Variants in CSMD1 observed in about 807,000 individuals in gnomAD.
CSMD1 encodes the protein CUB and sushi domain-containing protein 1.
A neutral mutation model predicts 417.5 loss-of-function variants in CSMD1; 213 were observed. The ratio of observed to expected loss-of-function variants is 0.51; its 90% CI spans 0.46 to 0.57. CSMD1 has a LOEUF of 0.57. Ranked by LOEUF, CSMD1 falls within the 20% of genes least tolerant of loss-of-function variation. The pLI, the probability that CSMD1 is intolerant of heterozygous loss-of-function variation, is 0.00. For synonymous variants in CSMD1, 2,862 were observed against 1,736.8 expected, an observed-to-expected ratio of 1.65 and a Z score of -16.11; for missense variants, 6,923 against 4,529.7, an observed-to-expected ratio of 1.53 and a Z score of -15.17.
intron 25 of CSMD1, among the ~76,000 whole-genome samples, chr8:3,286,238 T>C (rs1289843599): frequency 6.6e-6 from 1 of 152,236 alleles, no homozygotes; most frequent in East Asian, 1.9e-4. Flanking sequence ...GTTGGACATT[T>C]GGGTTGGTTC....
intron 12 of CSMD1, among the ~76,000 whole-genome samples, chr8:3,415,566 C>T (rs1295669051): frequency 1.3e-5 from 2 of 152,190 alleles, no homozygotes; most frequent in Non-Finnish European, 2.9e-5. Context: ...ACCATGTTGG[C>T]CACGCTGGTC....
intron 2 of CSMD1, among the ~76,000 whole-genome samples, chr8:4,507,993 G>T (rs1382196031): frequency 6.6e-6 from 1 of 150,378 alleles, no homozygotes; most frequent in Non-Finnish European, 1.5e-5. Context: ...TACGAACACA[G>T]ACAAAACTGA....
chr8:4,888,443 A>G (rs1803892902), intron 1 of CSMD1, among the ~76,000 whole-genome samples: 1 of 151,926 alleles, frequency 6.6e-6, no homozygotes, highest in Admixed American at 6.6e-5. Flanking sequence ...TATGATATAC[A>G]TATATATTGT....
At chr8:3,275,901 G>C (rs1226669628) in intron 26 of CSMD1, among the ~76,000 whole-genome samples, 1 of 152,098 alleles carries the variant, frequency 6.6e-6, no homozygotes, top group Non-Finnish European at 1.5e-5. Flanking sequence ...AGAGTAATTT[G>C]ATTGTCTGAA....
chr8:3,338,570 A>C (rs144473012), intron 23 of CSMD1, among the ~76,000 whole-genome samples: 1 of 152,260 alleles, frequency 6.6e-6, no homozygotes, highest in Non-Finnish European at 1.5e-5. Flanking sequence ...CCTGTCTTTA[A>C]ATTAAACACT....
chr8:3,142,657 G>C lies in CSMD1; in HGVS notation c.6049C>G (p.Leu2017Val), dbSNP rs780716801. ...PIGYGAHIQF[L>V]NFSTEANHDF... is the part of the protein sequence containing the mutation. ...TGATTAGCTTCGGTAGAAAAATTCA[G>C]AAACTGAATATGTGCACCTATGGAA... The change falls in exon 41 of 70, where the codon CTG (leucine) becomes GTG (valine). Residue 2017 changes from leucine to valine, a missense_variant. Physicochemically the swap from Leu to Val is conservative, Grantham distance 32. Coordinates refer to ENST00000635120, the MANE Select transcript of CSMD1 (RefSeq NM_033225.6). The C allele has an allele frequency of 1.9e-6, 3 of 1,613,234 alleles. No individual in the cohort carries two copies. Among genetic ancestry groups the C allele is most frequent in the African/African-American group, 1.3e-5 (1 of 74,916 alleles).
chr8:3,326,892 A>G (rs1806566564), intron 23 of CSMD1, among the ~76,000 whole-genome samples: 1 of 152,192 alleles, frequency 6.6e-6, no homozygotes, highest in Admixed American at 6.5e-5. Context: ...GTCTTGATAC[A>G]TTGATAGGAA....
chr8:4,652,688 G>T (rs138459058), intron 1 of CSMD1, among the ~76,000 whole-genome samples: 1 of 152,070 alleles, frequency 6.6e-6, no homozygotes, highest in African/African-American at 2.4e-5. Flanking sequence ...CACAGCTTCA[G>T]CCATCAGGGC....
chr8:3,394,004 A>AAAT (rs1563342160), intron 17 of CSMD1, among the ~76,000 whole-genome samples: 64 of 32,046 alleles, frequency 2.0e-3, no homozygotes, highest in East Asian at 9.9e-3. Flanking sequence ...TAATAATAAA[A>AAAT]AAATAAATTA....
intron 2 of CSMD1, among the ~76,000 whole-genome samples, chr8:4,567,941 C>T (rs746384988): frequency 6.6e-5 from 10 of 152,058 alleles, no homozygotes; most frequent in African/African-American, 9.7e-5. Flanking sequence ...TTTCTGTCCA[C>T]GTAACAGAGA....
chr8:3,796,314 G>GATAT lies in CSMD1; in HGVS notation c.819-42276_819-42273dup, dbSNP rs1446695124. ...GATATATCTATCATGTATAGATATA[G>GATAT]ATATCTATCATGTATAGATATAGAT... On this transcript the variant is annotated intron_variant, in intron 5 of 69. Coordinates refer to ENST00000635120, the MANE Select transcript of CSMD1 (RefSeq NM_033225.6). Among the ~76,000 whole-genome samples, 2 of 64,144 alleles carry GATAT rather than the reference G, an allele frequency of 3.1e-5. 1 individual carries two copies. The highest frequency in any genetic ancestry group is 5.5e-5 in the Non-Finnish European group (2 of 36,454). 42.1% of individuals were successfully genotyped at this position (64,144 alleles called of 152,430 possible).
At chr8:4,694,077 CA>C (rs1291740959) in intron 1 of CSMD1, among the ~76,000 whole-genome samples, 1 of 151,990 alleles carries the variant, frequency 6.6e-6, no homozygotes. Context: ...CATCCTATTC[CA>C]AAAAAAGACA....
At chr8:4,233,440 G>C (rs769336091) in intron 3 of CSMD1, among the ~76,000 whole-genome samples, 2 of 152,166 alleles carry the variant, frequency 1.3e-5, no homozygotes, top group Non-Finnish European at 2.9e-5. Context: ...GAATGTGATG[G>C]TATTTGGAGA....
intron 2 of CSMD1, among the ~76,000 whole-genome samples, chr8:4,548,935 A>G (rs1028809943): frequency 6.6e-6 from 1 of 152,140 alleles, no homozygotes; most frequent in Admixed American, 6.5e-5. Context: ...TTACCTCCAT[A>G]TTTGATCTAT....
chr8:4,978,651 A>C (rs1810701525), intron 1 of CSMD1, among the ~76,000 whole-genome samples: 1 of 152,186 alleles, frequency 6.6e-6, no homozygotes, highest in South Asian at 2.1e-4. Flanking sequence ...TTAGAAAAAT[A>C]TATGGGCCAG....
chr8:3,607,308 T>G (rs1005021655), intron 8 of CSMD1, among the ~76,000 whole-genome samples: 3 of 152,200 alleles, frequency 2.0e-5, no homozygotes, highest in African/African-American at 7.2e-5. Flanking sequence ...TCATGTCCAA[T>G]GATCACAATT....
chr8:4,247,920 T>G (rs896516367), intron 3 of CSMD1, among the ~76,000 whole-genome samples: 2 of 152,194 alleles, frequency 1.3e-5, no homozygotes, highest in African/African-American at 2.4e-5. Context: ...ATTAATGTGA[T>G]GTAGGTACAT....
intron 3 of CSMD1, among the ~76,000 whole-genome samples, chr8:4,396,375 G>C (rs1170085150): frequency 6.6e-6 from 1 of 152,044 alleles, no homozygotes; most frequent in Non-Finnish European, 1.5e-5. Context: ...GCTGAGGCAG[G>C]AGGATTGCTT....
At chr8:3,414,043 G>A (rs1339279670) in intron 12 of CSMD1, among the ~76,000 whole-genome samples, 1 of 151,102 alleles carries the variant, frequency 6.6e-6, no homozygotes, top group African/African-American at 2.4e-5. Context: ...GGAGGCTGAA[G>A]CAGGAGAATT....
Sources: gnomAD v4.1 joint callset for allele counts (sites outside exome capture counted in the v4.1 genomes callset) on GRCh38, gnomAD v4.1.1 for gene constraint, MANE v1.5 for transcripts, NCBI Gene and HGNC (gene_info 2026-07-23, HGNC 2026-07-21) for gene names.